Variants in SREBF2 observed in about 807,000 individuals in gnomAD.
SREBF2 encodes sterol regulatory element-binding protein 2.
SREBF2 carries 55 observed loss-of-function variants against 113.1 expected under a neutral mutation model. The ratio of observed to expected loss-of-function variants is 0.49; its 90% CI spans 0.39 to 0.61. The LOEUF (loss-of-function observed/expected upper bound fraction) is 0.61, where lower values mean the gene tolerates loss of function less well. SREBF2 is among the 20% of genes least tolerant of loss of function. SREBF2 has a pLI of 0.00. For synonymous variants in SREBF2, 593 were observed against 605.7 expected (o/e 0.98, Z 0.31); for missense variants, 1,349 against 1,487.4 (o/e 0.91, Z 1.53).
At chr22:41,899,475 G>A in intron 15 of SREBF2, 6 of 995,010 alleles carry the variant, frequency 6.0e-6, no homozygotes, top group Non-Finnish European at 7.2e-6. Flanking sequence ...GCCCCACGAG[G>A]TCCTATCCTT....
rs779392466 is a variant in SREBF2 at position 41,833,400 on chromosome 22, G to A, written c.88+42G>A. 12 of 1,504,986 alleles carry A rather than the reference G, an allele frequency of 8.0e-6. No homozygotes were observed. In the South Asian group the frequency reaches 1.4e-4, roughly 17 times the overall value. The allele number at this position is 1,504,986 out of a possible 1,614,324, so 93.2% of individuals were successfully genotyped here. A position where few individuals can be genotyped will look rare whatever the true frequency, so the allele number is the denominator to read the frequency against. On this transcript the variant is annotated intron_variant, in intron 1 of 18. Coordinates refer to ENST00000361204, the MANE Select transcript of SREBF2 (RefSeq NM_004599.4). This position sits in a 1 kb window ranked among gnomAD's most constrained non-coding sequence, Gnocchi z 4.1. ...TGGGAGTGCGGGGGCCGCGCGGGGA[G>A]GAAGGGGTTACGGCGGCGCGCCCGG...
chr22:41,848,711 T>TC (rs1448310527), intron 1 of SREBF2, among the ~76,000 whole-genome samples: 7 of 152,120 alleles, frequency 4.6e-5, no homozygotes, highest in African/African-American at 1.4e-4. Flanking sequence ...GGAGTAAGGC[T>TC]CCTATCTCTG....
At position 41,905,127 on chromosome 22, in the gene SREBF2, G is replaced by A. The variant is rs186029532; in HGVS notation, c.3205+153G>A. 5.8e-4 allele frequency among the ~76,000 whole-genome samples: 88 copies of A among 152,366 alleles called. 1 individual carries two copies. Among genetic ancestry groups the A allele is most frequent in the Middle Eastern group, 6.8e-3 (2 of 294 alleles). On this transcript the variant is annotated intron_variant, in intron 18 of 18. Transcript: ENST00000361204. ...ATGAAAGAAGCCCGAGGCCGCCCTT[G>A]GTGGGTTGCAGGGGTTGGGGTGGTC... is the stretch of plus-strand genomic sequence containing the variant.
chr22:41,889,715 A>G (rs2077338230), intron 11 of SREBF2, among the ~76,000 whole-genome samples: 1 of 148,522 alleles, frequency 6.7e-6, no homozygotes, highest in Non-Finnish European at 1.5e-5. Flanking sequence ...AAAAAAAAAA[A>G]AGAGGTTGGG....
Position 41,906,627 on chromosome 22 carries a change from CTT to C in SREBF2, c.*968_*969del, listed in dbSNP as rs1281583185. 1.3e-5 allele frequency: 2 copies of C among 152,330 alleles called. No individual in the cohort carries two copies. Among genetic ancestry groups the C allele is most frequent in the East Asian group, 1.9e-4 (1 of 5,208 alleles). 9.4% of individuals were successfully genotyped at this position (152,330 alleles called of 1,614,324 possible). A position where few individuals can be genotyped will look rare whatever the true frequency, so the allele number is the denominator to read the frequency against. ...GTTGGGGTATTAAATGAATTTGTGACTTAGGATATTTTCATTTATGATGGGTT... is the reference window on the plus strand; with the variant it reads ...GTTGGGGTATTAAATGAATTTGTGACAGGATATTTTCATTTATGATGGGTT... On this transcript the variant is annotated 3_prime_UTR_variant, in exon 19 of 19. Coordinates refer to ENST00000361204, the MANE Select transcript of SREBF2 (RefSeq NM_004599.4).
At chr22:41,857,082 A>AT (rs397720586) in intron 1 of SREBF2, among the ~76,000 whole-genome samples, 1 of 151,462 alleles carries the variant, frequency 6.6e-6, no homozygotes, top group Non-Finnish European at 1.5e-5. Context: ...AAAAAAAAAA[A>AT]GAATTTGATT....
At chr22:41,871,462 T>G (rs2077140372) in intron 4 of SREBF2, among the ~76,000 whole-genome samples, 1 of 152,114 alleles carries the variant, frequency 6.6e-6, no homozygotes, top group Non-Finnish European at 1.5e-5. Flanking sequence ...TCTGATAGAG[T>G]AAATGGTGAT....
chr22:41,872,620 G>A lies in SREBF2; in HGVS notation c.868-1178G>A, dbSNP rs1046667580. 7.2e-5 allele frequency among the ~76,000 whole-genome samples: 11 copies of A among 152,342 alleles called. No individual in the cohort carries two copies. The East Asian group carries it at 2.1e-3, about 29-fold the overall frequency. On this transcript the variant is annotated intron_variant, in intron 4 of 18. Transcript: ENST00000361204. ...TTAAACTAAAATTGGTCCAGGCCCA[G>A]TGGCTCACGCCTGTATTCCCAGCAT...
intron 12 of SREBF2, 146 bp from the exon 13 acceptor site, chr22:41,894,674 T>C (rs117551728): frequency 1.5e-4 from 115 of 787,324 alleles, no homozygotes; most frequent in East Asian, 1.4e-3. Context: ...TCCAACTGTT[T>C]AGCACAGTAG....
In SREBF2 at chr22:41,898,640, C is replaced by G. The variant is rs2077436834; in HGVS notation, c.2606-9C>G. On this transcript the variant is annotated splice_polypyrimidine_tract_variant and intron_variant, in intron 14 of 18. Coordinates refer to ENST00000361204, the MANE Select transcript of SREBF2 (RefSeq NM_004599.4). Reference sequence around the variant, plus strand: ...GTGCTGGAGTGCGTTTGGTGCTGTTCTCCTCTAGGTCCAGACATCATCTGT... The same window carrying G: ...GTGCTGGAGTGCGTTTGGTGCTGTTGTCCTCTAGGTCCAGACATCATCTGT... 1.2e-6 allele frequency: 2 copies of G among 1,613,876 alleles called. No homozygotes were observed. The highest frequency in any genetic ancestry group is 1.7e-6 in the Non-Finnish European group (2 of 1,179,942).
In SREBF2 at chr22:41,877,194, A is replaced by C. The variant is rs774130360; in HGVS notation, c.1387-35A>C. ...TATAAAGTGCTGTAAAAACCTATGCAGTATTTATTCCAACCTCGAGGCCTT... is the reference window on the plus strand; with the variant it reads ...TATAAAGTGCTGTAAAAACCTATGCCGTATTTATTCCAACCTCGAGGCCTT... On this transcript the variant is annotated intron_variant, in intron 7 of 18. Coordinates refer to ENST00000361204, the MANE Select transcript of SREBF2 (RefSeq NM_004599.4). 3.1e-6 allele frequency: 5 copies of C among 1,602,862 alleles called. No individual in the cohort carries two copies. In the East Asian group the frequency reaches 1.1e-4, roughly 36 times the overall value.
intron 16 of SREBF2, 127 bp downstream of exon 16, chr22:41,900,625 C>A: frequency 9.9e-7 from 1 of 1,005,844 alleles, no homozygotes. Flanking sequence ...GGACAGCAGC[C>A]CCCTTTCAAA....
intron 1 of SREBF2, among the ~76,000 whole-genome samples, chr22:41,859,510 G>A (rs149996577): frequency 1.2e-3 from 177 of 152,148 alleles, no homozygotes; most frequent in South Asian, 2.1e-3. Flanking sequence ...ATAAGCAAAT[G>A]CAAAATTTAT....
chr22:41,837,722 G>A (rs935563311), intron 1 of SREBF2, among the ~76,000 whole-genome samples: 5 of 151,620 alleles, frequency 3.3e-5, no homozygotes, highest in South Asian at 2.1e-4. Flanking sequence ...GCCGGGCGTC[G>A]TGGCACATGC....
At chr22:41,881,693 G>A (rs2077247058) in intron 10 of SREBF2, among the ~76,000 whole-genome samples, 1 of 152,214 alleles carries the variant, frequency 6.6e-6, no homozygotes, top group Admixed American at 6.5e-5. Flanking sequence ...ATGCCAGGCT[G>A]AGGATCTTGT....
intron 10 of SREBF2, among the ~76,000 whole-genome samples, chr22:41,883,982 C>T (rs1282908151): frequency 6.6e-6 from 1 of 152,154 alleles, no homozygotes; most frequent in East Asian, 1.9e-4. Flanking sequence ...GGGATCAGCC[C>T]CAGATGGGCC....
chr22:41,893,597 C>T (rs952299684), intron 12 of SREBF2, among the ~76,000 whole-genome samples: 1 of 152,118 alleles, frequency 6.6e-6, no homozygotes, highest in Non-Finnish European at 1.5e-5. Context: ...GTACTCTTAG[C>T]CCTTGTTTTG....
chr22:41,878,202 A>G (rs941470244), intron 9 of SREBF2, 79 bp downstream of exon 9: 2 of 1,575,192 alleles, frequency 1.3e-6, no homozygotes, highest in Admixed American at 3.5e-5. Flanking sequence ...AGAAAGTCCT[A>G]TGATAGATGC....
At chr22:41,902,007 A>AG (rs2077469465) in intron 16 of SREBF2, among the ~76,000 whole-genome samples, 2 of 152,224 alleles carry the variant, frequency 1.3e-5, no homozygotes, top group Non-Finnish European at 2.9e-5. Context: ...GGTTTTGAGG[A>AG]GAGGGATCCT....
Sources: gnomAD v4.1 joint callset for allele counts (sites outside exome capture counted in the v4.1 genomes callset) on GRCh38, gnomAD v4.1.1 for gene constraint, Gnocchi (gnomAD v3.1) non-coding constraint, MANE v1.5 for transcripts, NCBI Gene and HGNC (gene_info 2026-07-23, HGNC 2026-07-21) for gene names.